The following DOCK9 variants were observed in gnomAD, a reference collection of about 807,000 sequenced individuals.
DOCK9 encodes the protein dedicator of cytokinesis 9, also known as dedicator of cytokinesis protein 9.
DOCK9 carries 89 observed loss-of-function variants against 263.3 expected under a neutral mutation model. The observed-to-expected ratio is 0.34, with a 90% CI of 0.28 to 0.40. The LOEUF is 0.40. DOCK9 is among the 10% of genes least tolerant of loss of function. DOCK9 has a pLI of 1.00. For synonymous variants in DOCK9, 976 were observed against 973.1 expected (o/e 1.00, Z -0.06); for missense variants, 2,140 against 2,603.4 (o/e 0.82, Z 3.87).
Position 98,880,346 on chromosome 13 carries a change from A to C in DOCK9, c.2871+201T>G, listed in dbSNP as rs1398115407. 2.6e-5 allele frequency among the ~76,000 whole-genome samples: 4 copies of C among 152,004 alleles called. No individual in the cohort carries two copies. The East Asian group carries it at 5.8e-4, about 22-fold the overall frequency. On this transcript the variant is annotated intron_variant, in intron 26 of 52. Coordinates refer to ENST00000682017, the MANE Select transcript of DOCK9 (RefSeq NM_001366683.2). ...TGAACATAATGACTATTAATCCTCA[A>C]GAGCCAACACTGAACACAGTGGTGT...
At chr13:99,046,965 G>C (rs2040461997) in intron 1 of DOCK9, among the ~76,000 whole-genome samples, 1 of 152,252 alleles carries the variant, frequency 6.6e-6, no homozygotes, top group Non-Finnish European at 1.5e-5. Flanking sequence ...AGCGTGAAGA[G>C]AGCCAAAGTT....
At chr13:98,930,300 A>C (rs1355241724) in intron 2 of DOCK9, 43 bp from the exon 3 acceptor site, 1 of 1,541,994 alleles carries the variant, frequency 6.5e-7, no homozygotes, top group Non-Finnish European at 8.9e-7. Flanking sequence ...TAAGTGAAGG[A>C]GGCAGGTGCC....
intron 1 of DOCK9, among the ~76,000 whole-genome samples, chr13:98,971,335 T>C (rs1269098210): frequency 6.6e-6 from 1 of 152,200 alleles, no homozygotes; most frequent in Non-Finnish European, 1.5e-5. Context: ...GTAAACACTA[T>C]GGGGACCACA....
At position 98,882,095 on chromosome 13, in the gene DOCK9, A is replaced by G. The variant is rs1402215998; in HGVS notation, c.2560-88T>C. The stretch of plus-strand genomic sequence containing the variant: ...TTCCACTCTTCCAAACAAGGATGGA[A>G]GAACTCCCTCTAAAACAAAGGGAAG... On this transcript the variant is annotated intron_variant, in intron 23 of 52. Transcript: ENST00000682017. The G allele has an allele frequency of 2.7e-6, 3 of 1,102,806 alleles. No individual in the cohort carries two copies. The African/African-American group carries it at 4.7e-5, about 17-fold the overall frequency. The allele number at this position is 1,102,806 out of a possible 1,614,324, so 68.3% of individuals were successfully genotyped here.
At chr13:99,030,868 T>G (rs1887263027) in intron 1 of DOCK9, among the ~76,000 whole-genome samples, 1 of 152,208 alleles carries the variant, frequency 6.6e-6, no homozygotes, top group South Asian at 2.1e-4. Flanking sequence ...ATGTTACCAT[T>G]CAAAAACATG....
chr13:98,803,450 G>A (rs1669640201), intron 49 of DOCK9, among the ~76,000 whole-genome samples: 3 of 152,354 alleles, frequency 2.0e-5, no homozygotes, highest in South Asian at 2.1e-4. Context: ...GGATAACCGG[G>A]AGGGCCTGTT....
chr13:98,840,297 T>G (rs2093163593), intron 38 of DOCK9, among the ~76,000 whole-genome samples: 1 of 152,204 alleles, frequency 6.6e-6, no homozygotes, highest in Non-Finnish European at 1.5e-5. Context: ...AGCACACTGA[T>G]TTCCACTAGG....
At chr13:99,036,414 C>A (rs533427614) in intron 1 of DOCK9, among the ~76,000 whole-genome samples, 1 of 152,208 alleles carries the variant, frequency 6.6e-6, no homozygotes, top group Non-Finnish European at 1.5e-5. Flanking sequence ...TAGAAGTCAT[C>A]CTTCTTTAAC....
At chr13:99,080,853 G>C (rs560046641) in intron 1 of DOCK9, among the ~76,000 whole-genome samples, 10 of 152,264 alleles carry the variant, frequency 6.6e-5, no homozygotes, top group Non-Finnish European at 1.5e-4. Context: ...CCCTACACGG[G>C]CAAGGGCCTA....
chr13:98,929,192 AG>A (rs2053529785), intron 3 of DOCK9, among the ~76,000 whole-genome samples: 1 of 152,180 alleles, frequency 6.6e-6, no homozygotes, highest in Non-Finnish European at 1.5e-5. Flanking sequence ...AATTACCTGG[AG>A]GAAAAAACAA....
rs1174898224 is a variant in DOCK9, at chr13:98,882,000, T to C, written c.2567A>G (p.His856Arg). The C allele has an allele frequency of 6.3e-7, 1 of 1,587,382 alleles. No homozygotes were observed. The highest frequency in any genetic ancestry group is 8.6e-7 in the Non-Finnish European group (1 of 1,166,412). The change falls in exon 24 of 53, where the codon CAT becomes CGT. Residue 856 changes from histidine (H) to arginine (R), a missense_variant. Physicochemically the swap from His to Arg is conservative, Grantham distance 29. This residue lies in a region of DOCK9 where 1,521 missense variants were observed against 1,741.7 expected (regional missense o/e 0.87). Coordinates refer to ENST00000682017, the MANE Select transcript of DOCK9 (RefSeq NM_001366683.2). ...NELVKYLKSL[H>R]AMEGHVMIAF... is the part of the protein sequence containing the mutation. ...GATCATCACGTGGCCTTCCATCGCA[T>C]GCAGACTCTACGGACACAGAATGGC... is the stretch of plus-strand genomic sequence containing the variant.
chr13:99,003,730 C>A (rs1882811240), intron 1 of DOCK9, among the ~76,000 whole-genome samples: 1 of 152,208 alleles, frequency 6.6e-6, no homozygotes, highest in Non-Finnish European at 1.5e-5. Flanking sequence ...CCACCACCTG[C>A]TTCAGGCCAC....
chr13:98,925,929 G>A lies in DOCK9; in HGVS notation c.334-10C>T. 1 of 1,539,422 alleles carries A rather than the reference G, an allele frequency of 6.5e-7. No homozygotes were observed. Among genetic ancestry groups the A allele is most frequent in the South Asian group, 1.2e-5 (1 of 80,546 alleles). Reference sequence around the variant, plus strand: ...TATAGGTTTTGATGCACTATTGAAGGGGGATTTTAAAAATAGAAAATAAAA... The same window carrying A: ...TATAGGTTTTGATGCACTATTGAAGAGGGATTTTAAAAATAGAAAATAAAA... On this transcript the variant is annotated splice_polypyrimidine_tract_variant and intron_variant, in intron 3 of 52. Transcript: ENST00000682017.
At position 98,829,389 on chromosome 13, in the gene DOCK9, G is replaced by A; in HGVS notation, c.4883C>T (p.Ser1628Phe). 6.2e-7 allele frequency: 1 copy of A among 1,613,860 alleles called. No homozygotes were observed. Among genetic ancestry groups the A allele is most frequent in the Non-Finnish European group, 8.5e-7 (1 of 1,179,876 alleles). ...CCTGAGCTCGGGCGTGCTGGCATAG[G>A]ATTTGGCCAGGCTGTACTGGAGGTC... is the stretch of plus-strand genomic sequence containing the variant. ...LVDLQYSLAK[S>F]YASTPELRKT... Residue 1628 changes from serine to phenylalanine, a missense_variant, in exon 43 of 53, where the codon TCC becomes TTC. By Grantham distance (155) the Ser-to-Phe change is radical. This residue lies in a region of DOCK9 where 619 missense variants were observed against 861.8 expected (regional missense o/e 0.72). Transcript: ENST00000682017. This position sits in a 1 kb window ranked among gnomAD's most constrained non-coding sequence, Gnocchi z 4.1.
Position 98,826,733 on chromosome 13 carries a change from C to T in DOCK9, c.5023+97G>A. On this transcript the variant is annotated intron_variant, in intron 44 of 52. Coordinates refer to ENST00000682017, the MANE Select transcript of DOCK9 (RefSeq NM_001366683.2). ...GAATACACTTCACAAACACACAAAT[C>T]CCCACCTTCCAATCTTCCTGAATGG... 4.1e-6 allele frequency: 4 copies of T among 969,850 alleles called. No individual in the cohort carries two copies. In the South Asian group the frequency reaches 6.6e-5, roughly 16 times the overall value. 60.1% of individuals were successfully genotyped at this position (969,850 alleles called of 1,614,324 possible).
chr13:98,808,783 G>T, intron 47 of DOCK9: 1 of 757,620 alleles, frequency 1.3e-6, no homozygotes, highest in Non-Finnish European at 2.1e-6. Flanking sequence ...ATTTAATAAT[G>T]TTAAGGGACT....
intron 1 of DOCK9, among the ~76,000 whole-genome samples, chr13:99,016,228 A>G (rs898542755): frequency 3.3e-5 from 5 of 152,208 alleles, no homozygotes; most frequent in African/African-American, 1.2e-4. Context: ...AACGAGTGAA[A>G]TCTCTAAGAT....
At chr13:98,985,259 G>A (rs1198360480) in intron 1 of DOCK9, among the ~76,000 whole-genome samples, 1 of 152,116 alleles carries the variant, frequency 6.6e-6, no homozygotes, top group African/African-American at 2.4e-5. Flanking sequence ...AGCCATGGAA[G>A]GTTTAAGAAG....
intron 36 of DOCK9, among the ~76,000 whole-genome samples, chr13:98,849,644 A>G (rs1485315201): frequency 1.3e-5 from 2 of 152,208 alleles, no homozygotes; most frequent in Admixed American, 6.5e-5. Context: ...TGAGATAAAG[A>G]TGCTACATAA....
Sources: gnomAD v4.1 joint callset for allele counts (sites outside exome capture counted in the v4.1 genomes callset) on GRCh38, gnomAD v4.1.1 for gene constraint, gnomAD v4.1.1 regional missense constraint, Gnocchi (gnomAD v3.1) non-coding constraint, MANE v1.5 for transcripts, NCBI Gene and HGNC (gene_info 2026-07-23, HGNC 2026-07-21) for gene names.